CUX1: variants seen among roughly 807,000 people sequenced by gnomAD.
CUX1 encodes protein CASP.
CUX1 carries 31 observed loss-of-function variants against 158.8 expected under a neutral mutation model. That is an observed-to-expected ratio of 0.20 (90% CI 0.15 to 0.26). CUX1 has a LOEUF of 0.26. Ranked by LOEUF, CUX1 falls within the 10% of genes least tolerant of loss-of-function variation. CUX1 has a pLI of 1.00. For missense variants in CUX1, 1,589 were observed against 2,014.6 expected (o/e 0.79, Z 4.04); for synonymous variants, 879 against 862.1 (o/e 1.02, Z -0.34).
chr7:102,189,628 C>T (rs539487081), intron 11 of CUX1, among the ~76,000 whole-genome samples, 185 bp from the exon 12 acceptor site: 22 of 152,342 alleles, frequency 1.4e-4, no homozygotes, highest in Non-Finnish European at 2.6e-4. Flanking sequence ...TGCCTGGGCA[C>T]GCACTCACAC....
At chr7:102,145,145 A>T (rs1344039473) in intron 8 of CUX1, among the ~76,000 whole-genome samples, 1 of 151,642 alleles carries the variant, frequency 6.6e-6, no homozygotes, top group Non-Finnish European at 1.5e-5. Flanking sequence ...CACACGTTGC[A>T]GTTGGCTGGT....
At chr7:102,116,450 G>A (rs1831447222) in intron 8 of CUX1, among the ~76,000 whole-genome samples, 1 of 152,028 alleles carries the variant, frequency 6.6e-6, no homozygotes, top group South Asian at 2.1e-4. Context: ...CTTGCACTAA[G>A]TAGGTTGTTT....
At position 102,255,618 on chromosome 7, in the gene CUX1, A is replaced by G; in HGVS notation, c.*6576A>G. ...CCACAAAATATGCTATATGCTATGT[A>G]TCAAGCTTTCTGTAATCAGAAAGAA... On this transcript the variant is annotated 3_prime_UTR_variant, in exon 24 of 24. Transcript: ENST00000292535. The G allele has an allele frequency of 3.0e-6, 3 of 985,390 alleles. No individual in the cohort carries two copies. Among genetic ancestry groups the G allele is most frequent in the Non-Finnish European group, 3.6e-6 (3 of 829,878 alleles). 61.0% of individuals were successfully genotyped at this position (985,390 alleles called of 1,614,324 possible). A position where few individuals can be genotyped will look rare whatever the true frequency, so the allele number is the denominator to read the frequency against.
intron 9 of CUX1, among the ~76,000 whole-genome samples, chr7:102,168,647 A>G (rs2131663899): frequency 6.6e-6 from 1 of 151,110 alleles, no homozygotes. Context: ...CTGTCTCAAA[A>G]AAAAAAAAAA....
intron 18 of CUX1, among the ~76,000 whole-genome samples, chr7:102,279,371 T>A (rs550754966): frequency 9.9e-5 from 15 of 152,180 alleles, no homozygotes; most frequent in African/African-American, 3.4e-4. Flanking sequence ...ATAAAAAATG[T>A]AAACAGAATT....
chr7:101,897,183 C>A (rs1047200045), intron 1 of CUX1, among the ~76,000 whole-genome samples: 2 of 152,212 alleles, frequency 1.3e-5, no homozygotes, highest in Admixed American at 1.3e-4. Flanking sequence ...ACTCTCTCTT[C>A]CCATCTCTGT....
intron 11 of CUX1, among the ~76,000 whole-genome samples, chr7:102,178,901 G>A (rs1792706822): frequency 1.3e-5 from 2 of 152,286 alleles, no homozygotes; most frequent in African/African-American, 2.4e-5. Flanking sequence ...GTCTCGCTCT[G>A]TTGCCCAGGC....
intron 9 of CUX1, among the ~76,000 whole-genome samples, chr7:102,159,689 C>T (rs375233): frequency 0.44 from 65,778 of 150,754 alleles, 14,604 homozygotes; most frequent in Middle Eastern, 0.51. Flanking sequence ...GGTGAATCCC[C>T]GTCTCTACTA....
At chr7:101,976,147 A>C (rs1381291240) in intron 2 of CUX1, among the ~76,000 whole-genome samples, 1 of 152,204 alleles carries the variant, frequency 6.6e-6, no homozygotes, top group African/African-American at 2.4e-5. Flanking sequence ...CAAACAAAAA[A>C]CCACAGTATG....
chr7:102,278,091 T>A, intron 18 of CUX1: 5 of 1,526,960 alleles, frequency 3.3e-6, no homozygotes, highest in Non-Finnish European at 4.5e-6. Context: ...TGGCCTCAGC[T>A]CCAGGTGGAC....
At chr7:101,831,386 G>A (rs1025291951) in intron 1 of CUX1, among the ~76,000 whole-genome samples, 4 of 152,012 alleles carry the variant, frequency 2.6e-5, no homozygotes, top group African/African-American at 9.7e-5. Context: ...TGCTTCCTGG[G>A]TTCAAGTGAT....
intron 3 of CUX1, among the ~76,000 whole-genome samples, chr7:102,056,671 A>G (rs186200156): frequency 3.7e-4 from 56 of 152,218 alleles, no homozygotes; most frequent in African/African-American, 1.3e-3. Flanking sequence ...CCCAAATTCA[A>G]GTGATTCTTC....
chr7:102,073,165 C>CTTTTTTTTTTTTTTTTTTT (rs869202667), intron 4 of CUX1, among the ~76,000 whole-genome samples: 771 of 66,842 alleles, frequency 0.012, 163 homozygotes, highest in African/African-American at 0.017. Flanking sequence ...TCTTTTCTTT[C>CTTTTTTTTTTTTTTTTTTT]TTTTTTTTTT....
At chr7:102,151,727 CAAAAAAAAA>C (rs1159017025) in intron 8 of CUX1, among the ~76,000 whole-genome samples, 2 of 38,876 alleles carry the variant, frequency 5.1e-5, no homozygotes, top group African/African-American at 9.0e-5. Flanking sequence ...GACTCTGTCT[CAAAAAAAAA>C]AAAAAAAAAA....
At chr7:102,050,584 A>T (rs1392558183) in intron 3 of CUX1, among the ~76,000 whole-genome samples, 1 of 151,926 alleles carries the variant, frequency 6.6e-6, no homozygotes, top group Non-Finnish European at 1.5e-5. Context: ...AAACACAGGC[A>T]CCTGCGTATG....
intron 3 of CUX1, among the ~76,000 whole-genome samples, chr7:102,068,118 G>T (rs1294797154): frequency 1.3e-5 from 2 of 151,668 alleles, no homozygotes; most frequent in African/African-American, 4.8e-5. Context: ...TTGAGACATG[G>T]TCTCGCTGTG....
intron 20 of CUX1, among the ~76,000 whole-genome samples, chr7:102,206,174 A>C (rs1252204235): frequency 1.3e-5 from 2 of 152,170 alleles, no homozygotes; most frequent in Non-Finnish European, 1.5e-5. Context: ...ACCCTCATAC[A>C]GATGCAGCCG....
intron 1 of CUX1, among the ~76,000 whole-genome samples, chr7:101,825,924 AT>A (rs1160030354): frequency 6.6e-6 from 1 of 152,052 alleles, no homozygotes; most frequent in African/African-American, 2.4e-5. Flanking sequence ...ACAGGTCGCA[AT>A]CCATTATAAA....
chr7:102,229,624 T>C (rs1321749131), intron 21 of CUX1, among the ~76,000 whole-genome samples: 1 of 138,918 alleles, frequency 7.2e-6, no homozygotes, highest in Non-Finnish European at 1.6e-5. Context: ...TTTTTTTTTT[T>C]TTTTTTTTTT....
Sources: gnomAD v4.1 joint callset for allele counts (sites outside exome capture counted in the v4.1 genomes callset) on GRCh38, gnomAD v4.1.1 for gene constraint, MANE v1.5 for transcripts, NCBI Gene and HGNC (gene_info 2026-07-23, HGNC 2026-07-21) for gene names.